MICU3: variants seen among roughly 807,000 people sequenced by gnomAD.
MICU3 encodes calcium uptake protein 3, mitochondrial.
Under a neutral mutation model 66.5 loss-of-function variants are expected in MICU3, and 62 were observed. The observed-to-expected ratio is 0.93, with a 90% confidence interval of 0.76 to 1.15. MICU3 has a LOEUF of 1.15. Ranked by LOEUF, MICU3 falls within the 50% of genes most tolerant of loss-of-function variation. The probability of loss-of-function intolerance (pLI) is 0.00; values close to 1 mark genes in which losing one functional copy is unlikely to be tolerated. For missense variants in MICU3, 779 were observed against 664.4 expected, an observed-to-expected ratio of 1.17 and a Z score of -1.90; for synonymous variants, 308 against 240.7, an observed-to-expected ratio of 1.28 and a Z score of -2.59.
chr8:17,033,246 G>T (rs1352901384), intron 1 of MICU3, among the ~76,000 whole-genome samples: 2 of 152,214 alleles, frequency 1.3e-5, no homozygotes, highest in African/African-American at 4.8e-5. Flanking sequence ...TGTGGAAAGA[G>T]TTAGCGAAGT....
At chr8:17,032,008 C>A (rs1812161956) in intron 1 of MICU3, among the ~76,000 whole-genome samples, 1 of 152,120 alleles carries the variant, frequency 6.6e-6, no homozygotes, top group South Asian at 2.1e-4. Context: ...TCTTCATTGC[C>A]TGTTAAGGGT....
intron 12 of MICU3, among the ~76,000 whole-genome samples, chr8:17,115,855 T>G (rs149031212): frequency 1.6e-3 from 241 of 152,284 alleles, no homozygotes; most frequent in African/African-American, 5.6e-3. Context: ...GTTTTCTGAA[T>G]GTGCTTTATG....
intron 1 of MICU3, among the ~76,000 whole-genome samples, chr8:17,032,264 T>G (rs990809342): frequency 2.0e-5 from 3 of 152,216 alleles, no homozygotes; most frequent in Non-Finnish European, 4.4e-5. Context: ...AAACTATGGC[T>G]TTGGCCTTTA....
At chr8:17,126,476 A>C (rs1803407665), downstream of MICU3, among the ~76,000 whole-genome samples, 1 of 152,214 alleles carries the variant, frequency 6.6e-6, no homozygotes, top group Admixed American at 6.5e-5. Context: ...CAACATATTT[A>C]ACTCCATAGT....
intron 1 of MICU3, among the ~76,000 whole-genome samples, chr8:17,060,813 T>C (rs1235619201): frequency 6.6e-6 from 1 of 151,918 alleles, no homozygotes; most frequent in Non-Finnish European, 1.5e-5. Flanking sequence ...TTTTTTTTTT[T>C]TTTGCCTGGG....
intron 7 of MICU3, among the ~76,000 whole-genome samples, chr8:17,088,953 T>C (rs901764300): frequency 6.6e-6 from 1 of 152,004 alleles, no homozygotes; most frequent in Non-Finnish European, 1.5e-5. Flanking sequence ...ATCTAAATTA[T>C]ACCAGCATAC....
intron 1 of MICU3, among the ~76,000 whole-genome samples, chr8:17,055,873 G>A (rs1012130329): frequency 1.3e-5 from 2 of 152,182 alleles, no homozygotes; most frequent in African/African-American, 4.8e-5. Flanking sequence ...GGATTAATTG[G>A]TGAAGGTCTT....
chr8:17,072,361 C>T (rs1318604039), intron 3 of MICU3, among the ~76,000 whole-genome samples: 1 of 151,612 alleles, frequency 6.6e-6, no homozygotes, highest in Non-Finnish European at 1.5e-5. Context: ...CTCAGATTTA[C>T]TACCATATAC....
intron 11 of MICU3, among the ~76,000 whole-genome samples, chr8:17,107,611 G>A (rs920000054): frequency 6.6e-6 from 1 of 152,112 alleles, no homozygotes; most frequent in African/African-American, 2.4e-5. Context: ...AAGTAAAATT[G>A]TATTGGAACA....
the MICU3 span, chr8:17,134,277 A>C: frequency 6.6e-6 from 1 of 152,170 alleles, no homozygotes; most frequent in African/African-American, 2.4e-5. Flanking sequence ...CAGACGTTGT[A>C]TTTCTTATTT....
At chr8:17,059,734 C>CA (rs1817534400) in intron 1 of MICU3, among the ~76,000 whole-genome samples, 1 of 152,020 alleles carries the variant, frequency 6.6e-6, no homozygotes, top group South Asian at 2.1e-4. Flanking sequence ...ATCCCATTCT[C>CA]AATTCAAATT....
chr8:17,095,049 T>C (rs1201355817), intron 8 of MICU3, among the ~76,000 whole-genome samples: 1 of 152,046 alleles, frequency 6.6e-6, no homozygotes, highest in East Asian at 1.9e-4. Flanking sequence ...ACTATTATTT[T>C]AAGAGTAAAA....
intron 3 of MICU3, 45 bp downstream of exon 3, chr8:17,069,764 A>G (rs1819268021): frequency 1.3e-6 from 1 of 770,648 alleles, no homozygotes; most frequent in Non-Finnish European, 2.0e-6. Flanking sequence ...TTATATGTGC[A>G]TGCATATATA....
At chr8:17,097,740 G>A (rs370087470) in intron 8 of MICU3, among the ~76,000 whole-genome samples, 3 of 151,446 alleles carry the variant, frequency 2.0e-5, no homozygotes, top group East Asian at 3.9e-4. Context: ...TTGTTTATGG[G>A]GATCCAAGTT....
intron 1 of MICU3, among the ~76,000 whole-genome samples, chr8:17,059,941 T>A (rs1255224768): frequency 6.6e-6 from 1 of 152,238 alleles, no homozygotes; most frequent in African/African-American, 2.4e-5. Flanking sequence ...AACAAAATAC[T>A]AGTAGGATTT....
At chr8:17,041,806 A>G (rs1814157920) in intron 1 of MICU3, among the ~76,000 whole-genome samples, 1 of 152,196 alleles carries the variant, frequency 6.6e-6, no homozygotes. Flanking sequence ...AGGACACTAT[A>G]TGTATGCTTA....
At chr8:17,103,313 CTT>C (rs1801439132) in intron 9 of MICU3, among the ~76,000 whole-genome samples, 1 of 151,872 alleles carries the variant, frequency 6.6e-6, no homozygotes, top group African/African-American at 2.4e-5. Context: ...GTGAATGAGA[CTT>C]TTGGTCAGCA....
At chr8:17,043,907 C>G (rs1814633307) in intron 1 of MICU3, among the ~76,000 whole-genome samples, 1 of 152,146 alleles carries the variant, frequency 6.6e-6, no homozygotes, top group Non-Finnish European at 1.5e-5. Context: ...GTTATAAGTA[C>G]AAATATTGGG....
At chr8:17,132,513 C>T in the MICU3 span, 6 of 152,330 alleles carry the variant, frequency 3.9e-5, no homozygotes, top group Admixed American at 1.3e-4. Context: ...GGGTTACAGA[C>T]ATAGTCTTCC....
Sources: gnomAD v4.1 joint callset for allele counts (sites outside exome capture counted in the v4.1 genomes callset) on GRCh38, gnomAD v4.1.1 for gene constraint, MANE v1.5 for transcripts, NCBI Gene and HGNC (gene_info 2026-07-23, HGNC 2026-07-21) for gene names.